FBXW10B: variants seen among roughly 807,000 people sequenced by gnomAD.
The protein encoded by FBXW10B is F-box and WD repeat domain containing protein 10B.
the FBXW10B span, chr17:15,596,722 G>A: frequency 6.4e-7 from 1 of 1,557,612 alleles, no homozygotes; most frequent in South Asian, 1.2e-5. Context: ...AAAAGGAAAG[G>A]TTACAGTGGA....
At chr17:15,592,927 A>G in the FBXW10B span, among the ~76,000 whole-genome samples, 27 of 150,880 alleles carry the variant, frequency 1.8e-4, 1 homozygote, top group South Asian at 4.2e-4. Flanking sequence ...AGATGGTGAA[A>G]CCCCGTCTCT....
chr17:15,585,657 G>A, the FBXW10B span, among the ~76,000 whole-genome samples: 15 of 152,308 alleles, frequency 9.8e-5, no homozygotes, highest in African/African-American at 3.4e-4. Flanking sequence ...TTGTTGTGGT[G>A]GAGAAGAACT....
the FBXW10B span, chr17:15,613,881 G>C: frequency 1.9e-6 from 3 of 1,604,468 alleles, no homozygotes; most frequent in African/African-American, 2.9e-5. Context: ...ATGAAGTCTC[G>C]GTATTTGCTG....
At chr17:15,614,906 T>C in the FBXW10B span, among the ~76,000 whole-genome samples, 2 of 152,204 alleles carry the variant, frequency 1.3e-5, no homozygotes, top group African/African-American at 4.8e-5. Flanking sequence ...TGTTCCCTCC[T>C]CAAGACTGAA....
At chr17:15,604,118 C>T in the FBXW10B span, among the ~76,000 whole-genome samples, 1 of 149,832 alleles carries the variant, frequency 6.7e-6, no homozygotes, top group African/African-American at 2.5e-5. Context: ...TGCAAATGTC[C>T]ACCAACAGAA....
chr17:15,612,192 T>C, the FBXW10B span, among the ~76,000 whole-genome samples: 10 of 151,858 alleles, frequency 6.6e-5, no homozygotes. Flanking sequence ...ATCCAACACA[T>C]GAGTAAAGCA....
At chr17:15,593,339 G>A in the FBXW10B span, 7 of 1,613,930 alleles carry the variant, frequency 4.3e-6, no homozygotes, top group Admixed American at 1.0e-4. Flanking sequence ...CCACCCACCT[G>A]TTGCCCTGAA....
chr17:15,567,945 C>T, the FBXW10B span, among the ~76,000 whole-genome samples: 10 of 152,116 alleles, frequency 6.6e-5, no homozygotes, highest in African/African-American at 1.7e-4. Flanking sequence ...CAAAAACACA[C>T]GCTGAATAAG....
the FBXW10B span, among the ~76,000 whole-genome samples, chr17:15,593,081 C>T: frequency 2.1e-5 from 3 of 143,844 alleles, no homozygotes; most frequent in East Asian, 2.0e-4. Context: ...CCAGCCTGTG[C>T]GACAGAGTGA....
chr17:15,616,811 CAAAA>C, the FBXW10B span, among the ~76,000 whole-genome samples: 1 of 64,648 alleles, frequency 1.5e-5, no homozygotes, highest in African/African-American at 6.5e-5. Flanking sequence ...GACTCTGTCT[CAAAA>C]AAAAAAAAAA....
chr17:15,614,008 C>T, the FBXW10B span: 1 of 1,608,880 alleles, frequency 6.2e-7, no homozygotes, highest in Non-Finnish European at 8.5e-7. Context: ...CGGATATACA[C>T]CGGAGTGAAT....
chr17:15,571,592 T>C, the FBXW10B span: 1 of 152,178 alleles, frequency 6.6e-6, no homozygotes, highest in East Asian at 1.9e-4. Context: ...AATGGTACAA[T>C]CAATTCCAAG....
chr17:15,597,021 T>C, the FBXW10B span, among the ~76,000 whole-genome samples: 3 of 150,444 alleles, frequency 2.0e-5, no homozygotes, highest in Non-Finnish European at 4.4e-5. Flanking sequence ...ATAAAAATCA[T>C]GGCATACAGC....
the FBXW10B span, chr17:15,588,592 A>G: frequency 2.5e-6 from 1 of 392,244 alleles, no homozygotes; most frequent in South Asian, 2.2e-5. Flanking sequence ...ATATGAATCC[A>G]GAACACTCTA....
the FBXW10B span, chr17:15,607,771 A>G: frequency 8.2e-7 from 1 of 1,214,566 alleles, no homozygotes; most frequent in Non-Finnish European, 1.2e-6. Context: ...TGGTAAGGGC[A>G]CAGGGCTCAC....
At chr17:15,584,968 CTTTTTTTTTT>C in the FBXW10B span, among the ~76,000 whole-genome samples, 1 of 125,958 alleles carries the variant, frequency 7.9e-6, no homozygotes, top group Non-Finnish European at 1.6e-5. Context: ...CCTTCTTCTT[CTTTTTTTTTT>C]TTTTTTTTTG....
At chr17:15,584,624 T>C in the FBXW10B span, among the ~76,000 whole-genome samples, 9 of 152,218 alleles carry the variant, frequency 5.9e-5, no homozygotes, top group African/African-American at 2.2e-4. Context: ...AGTCCACTGA[T>C]TGTGGGCTCC....
chr17:15,588,930 C>T, the FBXW10B span: 4 of 1,613,900 alleles, frequency 2.5e-6, no homozygotes, highest in Admixed American at 5.0e-5. Context: ...TGAATCCACT[C>T]ACAGGAGCCC....
the FBXW10B span, among the ~76,000 whole-genome samples, chr17:15,575,445 A>T: frequency 6.7e-6 from 1 of 149,486 alleles, no homozygotes; most frequent in Non-Finnish European, 1.5e-5. Flanking sequence ...TCGCTGCTCC[A>T]TCCAGTTACT....
Sources: allele counts gnomAD v4.1 joint callset (sites outside exome capture counted in the v4.1 genomes callset), GRCh38; gene constraint gnomAD v4.1.1; transcripts MANE v1.5; gene names NCBI Gene and HGNC (gene_info 2026-07-23, HGNC 2026-07-21).